SLC20A2: variants seen among roughly 807,000 people sequenced by gnomAD.
The protein encoded by SLC20A2 is sodium-dependent phosphate transporter 2.
SLC20A2 carries 30 observed loss-of-function variants against 61.0 expected under a neutral mutation model. The ratio of observed to expected loss-of-function variants is 0.49; its 90% CI spans 0.37 to 0.67. The LOEUF is 0.67. Among genes scored for constraint, SLC20A2 ranks in the 30% least tolerant of loss-of-function variants. SLC20A2 has a pLI of 0.00. For missense variants in SLC20A2, 626 were observed against 866.4 expected (o/e 0.72, Z 3.48); for synonymous variants, 351 against 353.3 (o/e 0.99, Z 0.07).
upstream of SLC20A2, among the ~76,000 whole-genome samples, chr8:42,504,265 T>C (rs1322868682): frequency 2.0e-5 from 3 of 152,178 alleles, no homozygotes; most frequent in East Asian, 5.8e-4. Context: ...ACCTTTGAAA[T>C]AATATGCAAA....
intron 1 of SLC20A2, among the ~76,000 whole-genome samples, chr8:42,474,809 T>C (rs1479875221): frequency 2.0e-5 from 3 of 151,872 alleles, no homozygotes; most frequent in Non-Finnish European, 2.9e-5. Context: ...ACAAGAACTA[T>C]GCAGGCAGGA....
At chr8:42,527,778 AAAT>A (rs1274320870) in intron 1 of SLC20A2, among the ~76,000 whole-genome samples, 5 of 151,366 alleles carry the variant, frequency 3.3e-5, no homozygotes, top group Admixed American at 6.6e-5. Flanking sequence ...CAAAAAAAAT[AAAT>A]AAATAAAGGA....
Position 42,536,028 on chromosome 8 carries a change from A to G in SLC20A2, c.-265+5793T>C, listed in dbSNP as rs928320847. On this transcript the variant is annotated intron_variant, in intron 1 of 10. Coordinates refer to the SLC20A2 transcript ENST00000342228. ...TCAGTGTATCATTCTCTCTTTCCCTAAAAGTTTCCCATTCAGGGAAGAGTC... is the reference window on the plus strand; with the variant it reads ...TCAGTGTATCATTCTCTCTTTCCCTGAAAGTTTCCCATTCAGGGAAGAGTC... Among the ~76,000 whole-genome samples, 10 of 152,188 alleles carry G rather than the reference A, an allele frequency of 6.6e-5. 1 individual carries two copies. Among genetic ancestry groups the G allele is most frequent in the Non-Finnish European group, 1.2e-4 (8 of 68,034 alleles).
At chr8:42,447,567 A>G (rs982404894) in intron 5 of SLC20A2, among the ~76,000 whole-genome samples, 1 of 151,008 alleles carries the variant, frequency 6.6e-6, no homozygotes, top group Non-Finnish European at 1.5e-5. Context: ...AGTCCCAGCT[A>G]CTCCGGAGGC....
intron 3 of SLC20A2, among the ~76,000 whole-genome samples, chr8:42,464,283 C>CTT (rs1190927976): frequency 1.0e-4 from 13 of 128,546 alleles, no homozygotes; most frequent in African/African-American, 2.5e-4. Flanking sequence ...AATTTTCTTT[C>CTT]TTTTTTTTTT....
intron 8 of SLC20A2, among the ~76,000 whole-genome samples, chr8:42,432,937 T>C (rs895280093): frequency 2.0e-5 from 3 of 152,226 alleles, no homozygotes; most frequent in Non-Finnish European, 2.9e-5. Context: ...ACTTGTTTTA[T>C]TGTAGTGGTC....
chr8:42,474,234 A>G (rs912492865), intron 1 of SLC20A2, among the ~76,000 whole-genome samples: 4 of 152,214 alleles, frequency 2.6e-5, no homozygotes, highest in African/African-American at 9.6e-5. Context: ...AAATTATAAT[A>G]GAGGTTGAAT....
chr8:42,424,179 T>C (rs1184641654), intron 10 of SLC20A2, among the ~76,000 whole-genome samples: 1 of 152,216 alleles, frequency 6.6e-6, no homozygotes, highest in East Asian at 1.9e-4. Context: ...AGTGGCACTG[T>C]GTGTTATCTG....
chr8:42,421,767 AT>A (rs1465961199), intron 10 of SLC20A2, among the ~76,000 whole-genome samples: 1 of 152,084 alleles, frequency 6.6e-6, no homozygotes, highest in African/African-American at 2.4e-5. Context: ...TCATGCCATT[AT>A]GGCACTCCAG....
At chr8:42,510,532 T>C (rs1285011741) in intron 1 of SLC20A2, among the ~76,000 whole-genome samples, 2 of 152,368 alleles carry the variant, frequency 1.3e-5, no homozygotes, top group African/African-American at 4.8e-5. Flanking sequence ...CTAATTTTTG[T>C]GATTTCAATC....
At chr8:42,493,417 A>C (rs1586198129) in intron 1 of SLC20A2, among the ~76,000 whole-genome samples, 1 of 152,124 alleles carries the variant, frequency 6.6e-6, no homozygotes, top group Admixed American at 6.5e-5. Context: ...TGGCTAGGGG[A>C]TTCATTCTTT....
chr8:42,517,306 C>T (rs1041903611), intron 1 of SLC20A2, among the ~76,000 whole-genome samples: 1 of 150,458 alleles, frequency 6.6e-6, no homozygotes, highest in African/African-American at 2.4e-5. Context: ...AAGTTGAGGC[C>T]GCAGTGGGCC....
At chr8:42,510,648 A>G (rs1399895237) in intron 1 of SLC20A2, among the ~76,000 whole-genome samples, 2 of 152,176 alleles carry the variant, frequency 1.3e-5, no homozygotes, top group East Asian at 3.8e-4. Context: ...TGAGGAAAAG[A>G]GGGCTGTAGG....
chr8:42,462,207 C>T lies in SLC20A2; in HGVS notation c.516+798G>A, dbSNP rs1354019139. Among the ~76,000 whole-genome samples, 6 of 152,100 alleles carry T rather than the reference C, an allele frequency of 3.9e-5. No individual in the cohort carries two copies. In the East Asian group the frequency reaches 1.2e-3, roughly 29 times the overall value. ...GGCTGGCAGGCTAGAGAGGGGTGTG[C>T]CTTCCAATATGTGAATATGAGTGTT... is the stretch of plus-strand genomic sequence containing the variant. On this transcript the variant is annotated intron_variant, in intron 4 of 10. Coordinates refer to ENST00000520262, the MANE Select transcript of SLC20A2 (RefSeq NM_001257180.2).
intron 2 of SLC20A2, among the ~76,000 whole-genome samples, chr8:42,469,936 A>C (rs1488583969): frequency 2.0e-5 from 3 of 152,094 alleles, no homozygotes; most frequent in Admixed American, 2.0e-4. Context: ...TCAAAAAAAA[A>C]AAAAAAGATT....
chr8:42,536,277 A>G (rs1280166071), intron 1 of SLC20A2: 1 of 152,198 alleles, frequency 6.6e-6, no homozygotes, highest in Non-Finnish European at 1.5e-5. Context: ...ACTGACTCAA[A>G]TTCTGAAGCT....
intron 1 of SLC20A2, among the ~76,000 whole-genome samples, chr8:42,523,346 TA>T (rs1257620130): frequency 1.3e-5 from 2 of 151,344 alleles, no homozygotes; most frequent in African/African-American, 4.9e-5. Context: ...ACTAAATAAA[TA>T]AATAAAATAA....
At chr8:42,448,552 A>G (rs1467167953) in intron 5 of SLC20A2, among the ~76,000 whole-genome samples, 1 of 152,098 alleles carries the variant, frequency 6.6e-6, no homozygotes, top group Non-Finnish European at 1.5e-5. Flanking sequence ...TCGACTTAAG[A>G]TAATATCACC....
intron 4 of SLC20A2, among the ~76,000 whole-genome samples, chr8:42,461,915 C>T (rs1281475666): frequency 1.3e-5 from 2 of 152,142 alleles, no homozygotes; most frequent in African/African-American, 4.8e-5. Context: ...CCCTAGAATA[C>T]AGAAGTGGCC....
Sources: gnomAD v4.1 joint callset for allele counts (sites outside exome capture counted in the v4.1 genomes callset) on GRCh38, gnomAD v4.1.1 for gene constraint, MANE v1.5 for transcripts, NCBI Gene and HGNC (gene_info 2026-07-23, HGNC 2026-07-21) for gene names.